The following DACH2 variants were observed in gnomAD, a reference collection of about 807,000 sequenced individuals.
DACH2 encodes the protein dachshund homolog 2.
A neutral mutation model predicts 35.8 loss-of-function variants in DACH2; 17 were observed. The ratio of observed to expected loss-of-function variants is 0.48; its 90% confidence interval spans 0.33 to 0.71. The LOEUF is 0.71. DACH2 is among the 30% of genes least tolerant of loss of function. The pLI, the probability that DACH2 is intolerant of heterozygous loss-of-function variation, is 0.02. For missense variants in DACH2, 469 were observed against 472.7 expected, an observed-to-expected ratio of 0.99 and a Z score of 0.07; for synonymous variants, 195 against 177.3, an observed-to-expected ratio of 1.10 and a Z score of -0.79.
At chrX:86,516,779 T>C (rs2038474572) in intron 3 of DACH2, among the ~76,000 whole-genome samples, 1 of 111,196 alleles carries the variant, frequency 9.0e-6, no homozygotes, top group Non-Finnish European at 1.9e-5. Context: ...ATTCTTATCA[T>C]TTATCTCCCA....
At chrX:86,162,043 C>A (rs968378723) in intron 1 of DACH2, among the ~76,000 whole-genome samples, 8 of 111,686 alleles carry the variant, frequency 7.2e-5, no homozygotes, top group African/African-American at 2.6e-4. Context: ...AATTGAATGA[C>A]AGATATGCTG....
At chrX:86,259,372 T>C (rs2033583636) in intron 1 of DACH2, among the ~76,000 whole-genome samples, 1 of 111,752 alleles carries the variant, frequency 8.9e-6, no homozygotes, top group African/African-American at 3.2e-5. Context: ...ACAATTTACA[T>C]ATTAATTCCA....
intron 1 of DACH2, among the ~76,000 whole-genome samples, chrX:86,238,472 G>T (rs948463779): frequency 3.0e-4 from 34 of 111,873 alleles, no homozygotes; most frequent in Non-Finnish European, 5.3e-4. Flanking sequence ...CAAACTGGTA[G>T]TTTTTCATAG....
intron 7 of DACH2, among the ~76,000 whole-genome samples, chrX:86,778,381 T>C (rs911447504): frequency 4.5e-5 from 5 of 111,069 alleles, no homozygotes; most frequent in African/African-American, 1.6e-4. Context: ...TGTCTGCATT[T>C]ATCTGATGAT....
chrX:86,777,652 A>G (rs777299559), intron 7 of DACH2, among the ~76,000 whole-genome samples: 1 of 111,450 alleles, frequency 9.0e-6, no homozygotes, highest in Admixed American at 9.6e-5. Context: ...TAAATAGCTT[A>G]AATAAATCCC....
chrX:86,405,924 A>G (rs139220672), intron 2 of DACH2, among the ~76,000 whole-genome samples: 109 of 111,409 alleles, frequency 9.8e-4, no homozygotes, highest in African/African-American at 3.5e-3. Flanking sequence ...GGCGGCAAGG[A>G]GAAGTGAGGA....
chrX:86,664,806 G>C (rs991767099), intron 4 of DACH2, among the ~76,000 whole-genome samples: 8 of 112,214 alleles, frequency 7.1e-5, no homozygotes, highest in African/African-American at 2.6e-4. Context: ...AACCTTTCAT[G>C]TTCTACACCC....
At chrX:86,665,270 T>A (rs1030867659) in intron 4 of DACH2, among the ~76,000 whole-genome samples, 1 of 112,103 alleles carries the variant, frequency 8.9e-6, no homozygotes, top group African/African-American at 3.2e-5. Context: ...TCTAGCAACA[T>A]CTTGTCAAAA....
At chrX:86,195,866 A>G (rs1217342550) in intron 1 of DACH2, among the ~76,000 whole-genome samples, 1 of 111,552 alleles carries the variant, frequency 9.0e-6, no homozygotes, top group Non-Finnish European at 1.9e-5. Context: ...TGAAGCCAAT[A>G]AGCTGAATCT....
intron 1 of DACH2, among the ~76,000 whole-genome samples, chrX:86,282,033 CA>C (rs1034797292): frequency 1.8e-5 from 2 of 112,199 alleles, no homozygotes; most frequent in Non-Finnish European, 3.8e-5. Flanking sequence ...ATTCTATGCT[CA>C]GGTATAGGAA....
chrX:86,267,803 TC>T (rs1012440226), intron 1 of DACH2, among the ~76,000 whole-genome samples: 1 of 112,238 alleles, frequency 8.9e-6, no homozygotes, highest in Non-Finnish European at 1.9e-5. Context: ...AGGCTTAGTG[TC>T]CCCCCACCCC....
At chrX:86,382,108 A>G (rs1602459596) in intron 2 of DACH2, among the ~76,000 whole-genome samples, 1 of 110,296 alleles carries the variant, frequency 9.1e-6, no homozygotes, top group Non-Finnish European at 1.9e-5. Context: ...GAGAGGACTC[A>G]GGTTGACGAC....
At chrX:86,253,236 T>C (rs2033437829) in intron 1 of DACH2, among the ~76,000 whole-genome samples, 1 of 111,057 alleles carries the variant, frequency 9.0e-6, no homozygotes, top group Admixed American at 9.6e-5. Flanking sequence ...GAAAGCCCTC[T>C]ACAAGGAAAA....
chrX:86,188,392 G>T (rs759482307), intron 1 of DACH2, among the ~76,000 whole-genome samples: 1 of 111,608 alleles, frequency 9.0e-6, no homozygotes, highest in Non-Finnish European at 1.9e-5. Flanking sequence ...TTTGGATAAA[G>T]TATTTATTGG....
At chrX:86,188,779 C>T (rs1034433207) in intron 1 of DACH2, among the ~76,000 whole-genome samples, 5 of 111,931 alleles carry the variant, frequency 4.5e-5, no homozygotes, top group South Asian at 3.7e-4. Flanking sequence ...AGATTCTCCC[C>T]GAAAGGAACC....
chrX:86,297,321 A>G (rs773345850), intron 1 of DACH2, among the ~76,000 whole-genome samples: 1 of 111,095 alleles, frequency 9.0e-6, no homozygotes, highest in Admixed American at 9.6e-5. Flanking sequence ...CCATGACTAC[A>G]CAGTGATAGC....
chrX:86,797,734 C>G (rs897563523), intron 7 of DACH2, among the ~76,000 whole-genome samples: 1 of 111,448 alleles, frequency 9.0e-6, no homozygotes, highest in Non-Finnish European at 1.9e-5. Flanking sequence ...ACAGCAACTT[C>G]AAATATTCAG....
chrX:86,435,983 A>G (rs990216793), intron 2 of DACH2, among the ~76,000 whole-genome samples: 21 of 111,823 alleles, frequency 1.9e-4, no homozygotes, highest in African/African-American at 6.8e-4. Flanking sequence ...TTGTAGAAGA[A>G]CTGACTGATT....
Position 86,816,034 on chromosome X carries a change from A to G in DACH2, c.1685A>G (p.Asp562Gly). The G allele has an allele frequency of 1.7e-6, 2 of 1,173,216 alleles. No individual in the cohort carries two copies. Among genetic ancestry groups the G allele is most frequent in the South Asian group, 3.8e-5 (2 of 52,739 alleles). The change falls in exon 11 of 12, where the codon GAT becomes GGT. Residue 562 changes from aspartate to glycine, a missense_variant and splice_region_variant. Asp to Gly is a moderately conservative substitution (Grantham distance 94). Coordinates refer to ENST00000373125, the MANE Select transcript of DACH2 (RefSeq NM_053281.3). Reference protein sequence around the residue: ...TSDSGLRMLKDTGIPDIEIEN... With the variant: ...TSDSGLRMLKGTGIPDIEIEN... Reference sequence around the variant, plus strand: ...TAATCTTGCATGTCATTTATTTCAGATACTGGAATTCCAGATATTGAAATA... The same window carrying G: ...TAATCTTGCATGTCATTTATTTCAGGTACTGGAATTCCAGATATTGAAATA...
Sources: allele counts gnomAD v4.1 joint callset (sites outside exome capture counted in the v4.1 genomes callset), GRCh38; gene constraint gnomAD v4.1.1; transcripts MANE v1.5; gene names NCBI Gene and HGNC (gene_info 2026-07-23, HGNC 2026-07-21).